The following CPA1 variants were observed in gnomAD, a reference collection of about 807,000 sequenced individuals.
The protein encoded by CPA1 is carboxypeptidase A1 (pancreatic).
Under a neutral mutation model 48.7 loss-of-function variants are expected in CPA1, and 42 were observed. The ratio of observed to expected loss-of-function variants is 0.86; its 90% CI spans 0.67 to 1.11. CPA1 has a LOEUF of 1.11. CPA1 is among the 50% of genes most tolerant of loss of function. CPA1 has a pLI of 0.00. For missense variants in CPA1, 477 were observed against 544.7 expected (o/e 0.88, Z 1.24); for synonymous variants, 203 against 217.9 (o/e 0.93, Z 0.60).
At chr7:130,381,289 T>C (rs1488228372) in intron 2 of CPA1, 110 bp downstream of exon 2, 1 of 727,104 alleles carries the variant, frequency 1.4e-6, no homozygotes, top group Admixed American at 2.8e-5. Flanking sequence ...CAAGGAGACA[T>C]GGAATTGACT....
rs1365901474 is a variant in CPA1, at chr7:130,384,639, G to A, written c.787+13G>A. On this transcript the variant is annotated intron_variant, in intron 7 of 9. Coordinates refer to ENST00000011292, the MANE Select transcript of CPA1 (RefSeq NM_001868.4). ...GCTGGCTTTGGGTGTAAGGCCCAGA[G>A]TGTCTTGGGAGCAAGGATGGGATGG... 5.6e-6 allele frequency: 9 copies of A among 1,609,480 alleles called. No homozygotes were observed. The highest frequency in any genetic ancestry group is 2.2e-5 in the East Asian group (1 of 44,870).
chr7:130,386,070 A>T, intron 9 of CPA1, 147 bp downstream of exon 9: 1 of 630,506 alleles, frequency 1.6e-6, no homozygotes, highest in East Asian at 2.8e-5. Context: ...AGGGGTGGGC[A>T]GTCCCTTTTC....
At chr7:130,385,071 C>T (rs782490363) in intron 7 of CPA1, 75 bp from the exon 8 acceptor site, 2 of 1,468,024 alleles carry the variant, frequency 1.4e-6, no homozygotes, top group South Asian at 1.2e-5. Context: ...ACCCCCAACT[C>T]CATGCAAAGA....
At chr7:130,383,623 C>T in intron 5 of CPA1, 61 bp from the exon 6 acceptor site, 1 of 1,456,178 alleles carries the variant, frequency 6.9e-7, no homozygotes, top group Non-Finnish European at 9.6e-7. Context: ...GTGTCCATTG[C>T]TGTGGCTTGG....
chr7:130,381,262 G>T, intron 2 of CPA1, 83 bp downstream of exon 2: 1 of 944,966 alleles, frequency 1.1e-6, no homozygotes, highest in East Asian at 2.6e-5. Flanking sequence ...AACTGTGCCT[G>T]GGCTGTCTCC....
chr7:130,381,173 C>A lies in CPA1; in HGVS notation c.141C>A (p.His47Gln). ...QKVKELEDLE[H>Q]LQLDFWRGPA... ...TGAAGGAGCTGGAGGACCTGGAGCA[C>A]CTGCAGGTCAGAAGAGGGGAGAAGG... The change falls in exon 2 of 10, where the codon CAC (histidine) becomes CAA (glutamine). Residue 47 changes from histidine (H) to glutamine (Q), a missense_variant. Coordinates refer to ENST00000011292, the MANE Select transcript of CPA1 (RefSeq NM_001868.4). The A allele has an allele frequency of 6.2e-7, 1 of 1,612,006 alleles. No individual in the cohort carries two copies. The highest frequency in any genetic ancestry group is 1.1e-5 in the South Asian group (1 of 90,852).
intron 7 of CPA1, 127 bp downstream of exon 7, chr7:130,384,753 C>T: frequency 1.3e-6 from 1 of 764,094 alleles, no homozygotes; most frequent in Non-Finnish European, 2.2e-6. Context: ...AGCTCTGCCT[C>T]TGAGGGCTCT....
Position 130,381,991 on chromosome 7 carries a change from G to C in CPA1, c.382-117G>C, listed in dbSNP as rs1554411287. 5.9e-6 allele frequency: 7 copies of C among 1,194,302 alleles called. No individual in the cohort carries two copies. In the Admixed American group the frequency reaches 7.9e-5, roughly 13 times the overall value. The allele number at this position is 1,194,302 out of a possible 1,614,324, so 74.0% of individuals were successfully genotyped here. On this transcript the variant is annotated intron_variant, in intron 3 of 9. Transcript: ENST00000011292. ...CGCCTGCTCTGTTTCCATGTGGCCTGTGTGGTCGTAGCTCCATTGCAGGGC... is the reference window on the plus strand; with the variant it reads ...CGCCTGCTCTGTTTCCATGTGGCCTCTGTGGTCGTAGCTCCATTGCAGGGC...
intron 4 of CPA1, among the ~76,000 whole-genome samples, chr7:130,382,691 C>T (rs1164974915): frequency 7.6e-6 from 1 of 132,054 alleles, no homozygotes; most frequent in Non-Finnish European, 1.5e-5. Flanking sequence ...GGCTGGAGTA[C>T]AGTGGCGCAG....
intron 4 of CPA1, among the ~76,000 whole-genome samples, chr7:130,383,104 T>A (rs936723184): frequency 4.6e-5 from 7 of 152,220 alleles, no homozygotes; most frequent in Non-Finnish European, 8.8e-5. Context: ...TTGTTTGTGA[T>A]GTCCCCCAGA....
At chr7:130,381,069 T>G (rs1554411089) in intron 1 of CPA1, 29 bp from the exon 2 acceptor site, 1 of 1,593,192 alleles carries the variant, frequency 6.3e-7, no homozygotes, top group Admixed American at 1.7e-5. Context: ...GCAGCTTGGG[T>G]GCTCACTCCC....
chr7:130,382,630 A>ATTTTTTT (rs34457825), intron 4 of CPA1, among the ~76,000 whole-genome samples: 3 of 74,360 alleles, frequency 4.0e-5, no homozygotes, highest in African/African-American at 1.2e-4. Context: ...TGCCCGGGTA[A>ATTTTTTT]TTTTTTTTTT....
intron 1 of CPA1, 59 bp from the exon 2 acceptor site, chr7:130,381,039 T>A (rs1247102712): frequency 5.8e-6 from 8 of 1,388,922 alleles, no homozygotes; most frequent in Non-Finnish European, 7.1e-6. Flanking sequence ...ACCTGGGGAG[T>A]GCTTGTGGCC....
At position 130,387,152 on chromosome 7, in the gene CPA1, G is replaced by C. The variant is rs1399235625; in HGVS notation, c.1073-672G>C. Among the ~76,000 whole-genome samples, 4 of 152,190 alleles carry C rather than the reference G, an allele frequency of 2.6e-5. No homozygotes were observed. The highest frequency in any genetic ancestry group is 4.4e-5 in the Non-Finnish European group (3 of 68,038). Reference sequence around the variant, plus strand: ...GCAGGGCTGCGTACACACCTCACACGCTTCCTGCCTGAGTGCCTAGGCCTT... The same window carrying C: ...GCAGGGCTGCGTACACACCTCACACCCTTCCTGCCTGAGTGCCTAGGCCTT... On this transcript the variant is annotated intron_variant, in intron 9 of 9. Coordinates refer to ENST00000011292, the MANE Select transcript of CPA1 (RefSeq NM_001868.4). The surrounding 1 kb of genome is among the most constrained non-coding windows in gnomAD (Gnocchi z 4.6).
In CPA1 at chr7:130,383,785, G is replaced by A. The variant is rs370302338; in HGVS notation, c.687G>A (p.Thr229=). The A allele has an allele frequency of 1.2e-5, 20 of 1,611,372 alleles. 1 individual carries two copies. Among genetic ancestry groups the A allele is most frequent in the African/African-American group, 2.7e-5 (2 of 74,846 alleles). ...IVTNPDGFAF[T]HSTNRMWRKT... is the part of the protein sequence containing the mutation. ...CCAACCCTGATGGCTTTGCCTTCAC[G>A]CACAGCACGGTACCGGCCTTCTCCT... The change falls in exon 6 of 10, where the codon ACG becomes ACA. Residue 229 remains threonine (T), a synonymous_variant. Transcript: ENST00000011292.
chr7:130,381,486 C>T, intron 2 of CPA1, 144 bp from the exon 3 acceptor site: 1 of 643,110 alleles, frequency 1.6e-6, no homozygotes, highest in South Asian at 1.9e-5. Flanking sequence ...CCGTATTTCT[C>T]TGGCCCTATT....
rs372131401 is a variant in CPA1, at chr7:130,385,934, G to A, written c.1072+11G>A. 3.6e-5 allele frequency: 58 copies of A among 1,608,788 alleles called. No homozygotes were observed. Among genetic ancestry groups the A allele is most frequent in the African/African-American group, 6.7e-5 (5 of 74,794 alleles). The stretch of plus-strand genomic sequence containing the variant: ...TCATCAAGGCAATTTGTAAGTGGCC[G>A]TAGGGTCTCTCTTGATGGGCCTGCG... On this transcript the variant is annotated intron_variant, in intron 9 of 9. Coordinates refer to ENST00000011292, the MANE Select transcript of CPA1 (RefSeq NM_001868.4).
chr7:130,384,669 G>A (rs781967301), intron 7 of CPA1, 43 bp downstream of exon 7: 30 of 1,506,594 alleles, frequency 2.0e-5, no homozygotes, highest in African/African-American at 1.5e-4. Context: ...GGATGGCCTC[G>A]AATGGCTCCT....
At position 130,385,138 on chromosome 7, in the gene CPA1, C is replaced by A; in HGVS notation, c.788-8C>A. 6.2e-7 allele frequency: 1 copy of A among 1,614,038 alleles called. No individual in the cohort carries two copies. The highest frequency in any genetic ancestry group is 8.5e-7 in the Non-Finnish European group (1 of 1,180,002). On this transcript the variant is annotated splice_region_variant and splice_polypyrimidine_tract_variant and intron_variant, in intron 7 of 9. Transcript: ENST00000011292. Reference sequence around the variant, plus strand: ...AGCCACACCGCCATGCCCTCTGTCCCCCCACAGTGTCCGGAGCCAGCAGTA... The same window carrying A: ...AGCCACACCGCCATGCCCTCTGTCCACCCACAGTGTCCGGAGCCAGCAGTA...
Sources: allele counts gnomAD v4.1 joint callset (sites outside exome capture counted in the v4.1 genomes callset), GRCh38; gene constraint gnomAD v4.1.1; non-coding constraint Gnocchi (gnomAD v3.1); transcripts MANE v1.5; gene names NCBI Gene and HGNC (gene_info 2026-07-23, HGNC 2026-07-21).